Variants in KCNIP4 observed in about 807,000 individuals in gnomAD.
The protein encoded by KCNIP4 is potassium voltage-gated channel interacting protein 4.
A neutral mutation model predicts 34.0 loss-of-function variants in KCNIP4; 12 were observed. That is an observed-to-expected ratio of 0.35 (90% CI 0.23 to 0.57). The LOEUF is 0.57. Ranked by LOEUF, KCNIP4 falls within the 20% of genes least tolerant of loss-of-function variation. KCNIP4 has a pLI of 0.83. For synonymous variants in KCNIP4, 124 were observed against 102.2 expected, an observed-to-expected ratio of 1.21 and a Z score of -1.29; for missense variants, 238 against 311.7, an observed-to-expected ratio of 0.76 and a Z score of 1.78.
intron 1 of KCNIP4, among the ~76,000 whole-genome samples, chr4:21,041,220 G>GAT (rs1741927429): frequency 7.1e-6 from 1 of 140,854 alleles, no homozygotes; most frequent in South Asian, 2.3e-4. Flanking sequence ...CTCAGTGAAT[G>GAT]ATATATATTT....
At chr4:21,694,933 A>AAT (rs1337764031) in intron 1 of KCNIP4, among the ~76,000 whole-genome samples, 15 of 61,534 alleles carry the variant, frequency 2.4e-4, no homozygotes, top group African/African-American at 5.5e-4. Context: ...AAAAAAAATA[A>AAT]AAATAAATAA....
At chr4:20,996,249 C>T (rs544963380) in intron 1 of KCNIP4, among the ~76,000 whole-genome samples, 1 of 152,222 alleles carries the variant, frequency 6.6e-6, no homozygotes, top group Non-Finnish European at 1.5e-5. Flanking sequence ...AATTTTGTTA[C>T]TTTCGCTCTC....
intron 1 of KCNIP4, among the ~76,000 whole-genome samples, chr4:21,827,965 G>C (rs557042276): frequency 2.0e-5 from 3 of 149,622 alleles, no homozygotes; most frequent in Admixed American, 6.7e-5. Flanking sequence ...TGGGTAAAAC[G>C]AGCCGCTCTA....
At chr4:21,390,966 C>T (rs1284253604) in intron 1 of KCNIP4, among the ~76,000 whole-genome samples, 1 of 152,104 alleles carries the variant, frequency 6.6e-6, no homozygotes, top group Non-Finnish European at 1.5e-5. Flanking sequence ...CATATACTTG[C>T]CAACATTTGT....
intron 1 of KCNIP4, among the ~76,000 whole-genome samples, chr4:21,869,233 T>C (rs1725615995): frequency 6.6e-6 from 1 of 152,066 alleles, no homozygotes; most frequent in Non-Finnish European, 1.5e-5. Context: ...TAGATCCTCA[T>C]TGCTCTGTAC....
chr4:20,990,889 T>G (rs934700175), intron 1 of KCNIP4, among the ~76,000 whole-genome samples: 7 of 152,222 alleles, frequency 4.6e-5, no homozygotes, highest in African/African-American at 1.7e-4. Flanking sequence ...ATAATGATCA[T>G]TATCCCTTTT....
At chr4:21,501,715 T>TGTGTGTGTGTGTGC (rs569245544) in intron 1 of KCNIP4, among the ~76,000 whole-genome samples, 16 of 150,732 alleles carry the variant, frequency 1.1e-4, no homozygotes, top group African/African-American at 3.9e-4. Context: ...TGTGTGTGTG[T>TGTGTGTGTGTGTGC]GCGTTGGAAG....
chr4:21,041,674 G>A (rs1303258794), intron 1 of KCNIP4, among the ~76,000 whole-genome samples: 3 of 152,136 alleles, frequency 2.0e-5, no homozygotes, highest in Admixed American at 6.6e-5. Flanking sequence ...ATGCAAAGAA[G>A]CTAAAAATGA....
chr4:21,824,808 CT>C (rs1239590099), intron 1 of KCNIP4, among the ~76,000 whole-genome samples: 1 of 152,126 alleles, frequency 6.6e-6, no homozygotes, highest in African/African-American at 2.4e-5. Flanking sequence ...ACACCAGATG[CT>C]AGAGACACAG....
At chr4:21,115,622 AG>A in intron 1 of KCNIP4, among the ~76,000 whole-genome samples, 1 of 152,308 alleles carries the variant, frequency 6.6e-6, no homozygotes, top group Non-Finnish European at 1.5e-5. Context: ...AACCAAGCAA[AG>A]CCTAAATACC....
intron 1 of KCNIP4, among the ~76,000 whole-genome samples, chr4:21,799,727 G>C (rs566696844): frequency 1.3e-5 from 2 of 152,162 alleles, no homozygotes; most frequent in Non-Finnish European, 2.9e-5. Context: ...CTGGAATGCT[G>C]TGATTTCTAT....
At chr4:21,082,649 A>G (rs1746098208) in intron 1 of KCNIP4, among the ~76,000 whole-genome samples, 1 of 151,724 alleles carries the variant, frequency 6.6e-6, no homozygotes, top group African/African-American at 2.4e-5. Flanking sequence ...GAAAAAAAAA[A>G]CTTGTTACCT....
intron 1 of KCNIP4, among the ~76,000 whole-genome samples, chr4:21,516,680 A>ACAT (rs1734792156): frequency 3.3e-5 from 5 of 152,184 alleles, no homozygotes; most frequent in African/African-American, 9.7e-5. Flanking sequence ...GTGTCTGGGA[A>ACAT]GAGTTTTCGA....
intron 1 of KCNIP4, among the ~76,000 whole-genome samples, chr4:21,520,398 T>C (rs963661136): frequency 1.3e-5 from 2 of 152,154 alleles, no homozygotes; most frequent in African/African-American, 4.8e-5. Flanking sequence ...GTCTACTGTA[T>C]TTTGTTATAG....
chr4:21,903,128 A>T (rs1029923253), intron 1 of KCNIP4, among the ~76,000 whole-genome samples: 10 of 152,192 alleles, frequency 6.6e-5, no homozygotes, highest in African/African-American at 2.4e-4. Context: ...AATGAAATTC[A>T]GTGTCTCTAA....
At chr4:21,881,741 T>G (rs1726475011) in intron 1 of KCNIP4, among the ~76,000 whole-genome samples, 1 of 152,142 alleles carries the variant, frequency 6.6e-6, no homozygotes, top group Non-Finnish European at 1.5e-5. Flanking sequence ...TAAATATGTT[T>G]TGGGTGAATT....
chr4:21,816,289 G>A, intron 1 of KCNIP4, among the ~76,000 whole-genome samples: 1 of 152,006 alleles, frequency 6.6e-6, no homozygotes, highest in Non-Finnish European at 1.5e-5. Context: ...TTTCCAGATA[G>A]GATTAAACAT....
At chr4:21,641,967 C>G (rs565135705) in intron 1 of KCNIP4, among the ~76,000 whole-genome samples, 1 of 152,144 alleles carries the variant, frequency 6.6e-6, no homozygotes, top group East Asian at 1.9e-4. Flanking sequence ...CATTGGACTG[C>G]TTCCATCATG....
chr4:21,117,314 GGGGGGC>G (rs1749778416), intron 1 of KCNIP4, among the ~76,000 whole-genome samples: 17 of 127,842 alleles, frequency 1.3e-4, no homozygotes, highest in South Asian at 6.5e-4. Context: ...GGGGGGGGGG[GGGGGGC>G]GCTGTTTTTC....
Sources: allele counts gnomAD v4.1 joint callset (sites outside exome capture counted in the v4.1 genomes callset), GRCh38; gene constraint gnomAD v4.1.1; transcripts MANE v1.5; gene names NCBI Gene and HGNC (gene_info 2026-07-23, HGNC 2026-07-21).